GRIN3A: variants seen among roughly 807,000 people sequenced by gnomAD.
The protein encoded by GRIN3A is glutamate ionotropic receptor NMDA type subunit 3A.
A neutral mutation model predicts 92.4 loss-of-function variants in GRIN3A; 47 were observed. That is an observed-to-expected ratio of 0.51 (90% CI 0.40 to 0.65). The LOEUF (loss-of-function observed/expected upper bound fraction) is 0.65. Among genes scored for constraint, GRIN3A ranks in the 30% least tolerant of loss-of-function variants. The pLI is 0.00. For synonymous variants in GRIN3A, 527 were observed against 540.6 expected (o/e 0.97, Z 0.35); for missense variants, 1,324 against 1,393.1 (o/e 0.95, Z 0.79).
chr9:101,597,394 A>C (rs1828150410), intron 6 of GRIN3A, among the ~76,000 whole-genome samples: 1 of 152,196 alleles, frequency 6.6e-6, no homozygotes, highest in African/African-American at 2.4e-5. Flanking sequence ...GGTAATGCTG[A>C]GCAGACAGAA....
At chr9:101,574,305 T>C (rs1005079664) in intron 8 of GRIN3A, among the ~76,000 whole-genome samples, 3 of 152,192 alleles carry the variant, frequency 2.0e-5, no homozygotes, top group African/African-American at 7.2e-5. Flanking sequence ...TGAAATACAC[T>C]TTGATACTTA....
At chr9:101,706,397 G>A (rs974967571) in intron 1 of GRIN3A, among the ~76,000 whole-genome samples, 2 of 152,190 alleles carry the variant, frequency 1.3e-5, no homozygotes, top group Non-Finnish European at 2.9e-5. Context: ...TCTTCAGGAG[G>A]AACATGAATT....
intron 3 of GRIN3A, among the ~76,000 whole-genome samples, chr9:101,635,909 G>C (rs919018450): frequency 3.3e-5 from 5 of 152,148 alleles, no homozygotes; most frequent in Non-Finnish European, 1.5e-5. Context: ...ATTTATTTTT[G>C]AGATGGAGTC....
chr9:101,664,283 A>G (rs953092017), intron 3 of GRIN3A, among the ~76,000 whole-genome samples: 1 of 151,938 alleles, frequency 6.6e-6, no homozygotes, highest in African/African-American at 2.4e-5. Context: ...TATTTTCTGC[A>G]TTGCCTATAA....
intron 6 of GRIN3A, among the ~76,000 whole-genome samples, chr9:101,609,262 G>A (rs1410128547): frequency 2.6e-5 from 4 of 152,128 alleles, no homozygotes; most frequent in Non-Finnish European, 5.9e-5. Flanking sequence ...GAGGGTTTCT[G>A]GTAATATTTC....
intron 6 of GRIN3A, among the ~76,000 whole-genome samples, chr9:101,606,487 A>C (rs1020111723): frequency 2.0e-5 from 3 of 152,128 alleles, no homozygotes; most frequent in African/African-American, 7.2e-5. Flanking sequence ...GGGTTCTAAA[A>C]ATAGGTCTCT....
At chr9:101,573,657 T>G (rs572038643) in intron 8 of GRIN3A, 144 bp from the exon 9 acceptor site, 1 of 704,672 alleles carries the variant, frequency 1.4e-6, no homozygotes. Flanking sequence ...ACAGACTACC[T>G]GCTAGGGTGT....
At position 101,665,079 on chromosome 9, in the gene GRIN3A, A is replaced by T. The variant is rs371930242; in HGVS notation, c.2352+4981T>A. Reference sequence around the variant, plus strand: ...AAAAAAACAGCTTAAATTTTGAGCTAGAAATATAAACTATTTACACACAAG... The same window carrying T: ...AAAAAAACAGCTTAAATTTTGAGCTTGAAATATAAACTATTTACACACAAG... On this transcript the variant is annotated intron_variant, in intron 3 of 8. Transcript: ENST00000361820. Among the ~76,000 whole-genome samples, 151 of 152,080 alleles carry T rather than the reference A, an allele frequency of 9.9e-4. 2 individuals carry two copies. In the South Asian group the frequency reaches 0.03, roughly 30 times the overall value.
At chr9:101,672,071 T>A (rs1829333706) in intron 2 of GRIN3A, among the ~76,000 whole-genome samples, 1 of 152,156 alleles carries the variant, frequency 6.6e-6, no homozygotes, top group Non-Finnish European at 1.5e-5. Flanking sequence ...TAAAGATTAA[T>A]GTGGCTTGTG....
chr9:101,610,601 C>CTATG (rs1222470403), intron 6 of GRIN3A, among the ~76,000 whole-genome samples: 1 of 140,664 alleles, frequency 7.1e-6, no homozygotes, highest in African/African-American at 2.5e-5. Context: ...ATCTATCTAT[C>CTATG]TATCTATCTA....
chr9:101,718,988 G>A (rs925030670), intron 1 of GRIN3A, among the ~76,000 whole-genome samples: 15 of 152,200 alleles, frequency 9.9e-5, no homozygotes, highest in Non-Finnish European at 1.9e-4. Flanking sequence ...ATTAATAGCA[G>A]TAGATGATGC....
In GRIN3A at chr9:101,616,636, G is replaced by A. The variant is rs80048885; in HGVS notation, c.2615-3109C>T. On this transcript the variant is annotated intron_variant, in intron 5 of 8. Transcript: ENST00000361820. ...CAAGCCTTTTTCTTTTAAAGAAAAAGATTGTGTATCTGCATTAAAAAAGGT... is the reference window on the plus strand; with the variant it reads ...CAAGCCTTTTTCTTTTAAAGAAAAAAATTGTGTATCTGCATTAAAAAAGGT... 8.9e-3 allele frequency among the ~76,000 whole-genome samples: 1,339 copies of A among 150,514 alleles called. 24 individuals carry two copies. The highest frequency in any genetic ancestry group is 0.031 in the African/African-American group (1,285 of 40,956).
At chr9:101,731,050 C>T (rs1276512772) in intron 1 of GRIN3A, among the ~76,000 whole-genome samples, 1 of 151,990 alleles carries the variant, frequency 6.6e-6, no homozygotes, top group African/African-American at 2.4e-5. Flanking sequence ...ATAAATATAT[C>T]CTCATTTTGA....
rs1827739824 is a variant in GRIN3A at position 101,570,238 on chromosome 9, T to G, written c.*2936A>C. ...ATCTGAGCATGCTTTATCATGTGCT[T>G]CCTGTGCCAGAAAAGCAAGGTAGCG... is the stretch of plus-strand genomic sequence containing the variant. On this transcript the variant is annotated 3_prime_UTR_variant, in exon 9 of 9. Transcript: ENST00000361820. The G allele has an allele frequency of 6.6e-6, 1 of 152,348 alleles. No homozygotes were observed. Among genetic ancestry groups the G allele is most frequent in the Non-Finnish European group, 1.5e-5 (1 of 68,040 alleles). 9.4% of individuals were successfully genotyped at this position (152,348 alleles called of 1,614,324 possible).
chr9:101,713,301 C>T (rs1829904592), intron 1 of GRIN3A, among the ~76,000 whole-genome samples: 1 of 152,088 alleles, frequency 6.6e-6, no homozygotes, highest in African/African-American at 2.4e-5. Context: ...AGACATTCAC[C>T]CCAGCAGACA....
chr9:101,664,769 A>G (rs1829217148), intron 3 of GRIN3A, among the ~76,000 whole-genome samples: 1 of 151,978 alleles, frequency 6.6e-6, no homozygotes, highest in South Asian at 2.1e-4. Flanking sequence ...ATGGTGATAA[A>G]ATATTCACCC....
chr9:101,610,246 C>T (rs1262947802), intron 6 of GRIN3A, among the ~76,000 whole-genome samples: 4 of 152,184 alleles, frequency 2.6e-5, no homozygotes, highest in Admixed American at 2.0e-4. Flanking sequence ...GTGAGAACTA[C>T]GCTCTGGGTA....
At chr9:101,704,043 G>A (rs16920659) in intron 1 of GRIN3A, among the ~76,000 whole-genome samples, 15,180 of 152,138 alleles carry the variant, frequency 0.1, 839 homozygotes, top group Middle Eastern at 0.15. Flanking sequence ...TAAAATGAGC[G>A]TAATAATGGC....
rs901883751 is a variant in GRIN3A, at chr9:101,735,958, A to C, written c.699+1323T>G. On this transcript the variant is annotated intron_variant, in intron 1 of 8. Coordinates refer to ENST00000361820, the MANE Select transcript of GRIN3A (RefSeq NM_133445.3). ...ATGGCTTGTACTCAACCTTCCTAAG[A>C]TTAAAAATGTAAGATTTATTTTCTT... Among the ~76,000 whole-genome samples, 88 of 152,218 alleles carry C rather than the reference A, an allele frequency of 5.8e-4. 1 individual carries two copies. The highest frequency in any genetic ancestry group is 1.3e-4 in the Non-Finnish European group (9 of 68,042).
Sources: gnomAD v4.1 joint callset for allele counts (sites outside exome capture counted in the v4.1 genomes callset) on GRCh38, gnomAD v4.1.1 for gene constraint, MANE v1.5 for transcripts, NCBI Gene and HGNC (gene_info 2026-07-23, HGNC 2026-07-21) for gene names.